RYR2: variants seen among roughly 807,000 people sequenced by gnomAD.
RYR2 encodes the protein ryanodine receptor 2, also known as cardiac muscle ryanodine receptor-calcium release channel.
Under a neutral mutation model 601.1 loss-of-function variants are expected in RYR2, and 227 were observed. The ratio of observed to expected loss-of-function variants is 0.38; its 90% CI spans 0.34 to 0.42. The LOEUF is 0.42. Ranked by LOEUF, RYR2 falls within the 10% of genes least tolerant of loss-of-function variation. The pLI is 1.00. For synonymous variants in RYR2, 2,223 were observed against 2,175.1 expected, an observed-to-expected ratio of 1.02 and a Z score of -0.61; for missense variants, 4,646 against 6,156.5, an observed-to-expected ratio of 0.75 and a Z score of 8.21.
At chr1:237,544,390 A>G (rs1669592628) in intron 25 of RYR2, among the ~76,000 whole-genome samples, 1 of 152,188 alleles carries the variant, frequency 6.6e-6, no homozygotes, top group South Asian at 2.1e-4. Flanking sequence ...AGAATGTAAT[A>G]CAGAGACATC....
At chr1:237,309,809 C>T (rs1476010991) in intron 2 of RYR2, among the ~76,000 whole-genome samples, 1 of 152,226 alleles carries the variant, frequency 6.6e-6, no homozygotes, top group Non-Finnish European at 1.5e-5. Context: ...AATTTGAGCA[C>T]AGCACCGGTG....
chr1:237,718,844 T>G (rs944005514), intron 73 of RYR2, among the ~76,000 whole-genome samples: 1 of 152,176 alleles, frequency 6.6e-6, no homozygotes, highest in East Asian at 1.9e-4. Flanking sequence ...TTGTTACATA[T>G]GTATACATGT....
At chr1:237,480,088 C>A (rs950529227) in intron 17 of RYR2, among the ~76,000 whole-genome samples, 2 of 152,038 alleles carry the variant, frequency 1.3e-5, no homozygotes, top group Non-Finnish European at 2.9e-5. Context: ...ATGAAAGAGA[C>A]CCCCAGAAAA....
intron 1 of RYR2, among the ~76,000 whole-genome samples, chr1:237,050,090 C>T (rs191580707): frequency 6.6e-6 from 1 of 151,902 alleles, no homozygotes; most frequent in East Asian, 1.9e-4. Context: ...GTTCAGAGGA[C>T]CTACACGTAA....
At chr1:237,421,967 T>C (rs1705639303) in intron 11 of RYR2, among the ~76,000 whole-genome samples, 1 of 152,190 alleles carries the variant, frequency 6.6e-6, no homozygotes, top group Non-Finnish European at 1.5e-5. Flanking sequence ...TTTATTTGCT[T>C]GTTGAATCTT....
chr1:237,270,594 T>C lies in RYR2; in HGVS notation c.146T>C (p.Leu49Ser). 3.1e-6 allele frequency: 5 copies of C among 1,589,886 alleles called. No homozygotes were observed. The highest frequency in any genetic ancestry group is 4.3e-6 in the Non-Finnish European group (5 of 1,167,378). ...AEGFGNRLCF[L>S]ESTSNSKNVP... ...GGATTTGGCAACAGACTTTGTTTCT[T>C]GGAGTCCACTTCCAATTCCAAGGTG... Residue 49 changes from leucine (L) to serine (S), a missense_variant, in exon 2 of 105, where the codon TTG becomes TCG. Around this residue, in one of 17 missense-constraint regions of RYR2, gnomAD observed 153 missense variants for 203.6 expected, o/e 0.75. Coordinates refer to ENST00000366574, the MANE Select transcript of RYR2 (RefSeq NM_001035.3).
intron 1 of RYR2, among the ~76,000 whole-genome samples, chr1:237,183,798 G>A (rs778803619): frequency 1.6e-4 from 24 of 152,100 alleles, no homozygotes; most frequent in Non-Finnish European, 2.6e-4. Context: ...CTAAAATGCC[G>A]GTGACAAGGA....
chr1:237,518,731 A>G (rs891923347), intron 24 of RYR2, among the ~76,000 whole-genome samples: 2 of 152,140 alleles, frequency 1.3e-5, no homozygotes, highest in African/African-American at 2.4e-5. Context: ...GCAAGTGCAG[A>G]TGTCTTTTTG....
At chr1:237,236,701 C>A (rs1685581788) in intron 1 of RYR2, among the ~76,000 whole-genome samples, 1 of 152,144 alleles carries the variant, frequency 6.6e-6, no homozygotes, top group South Asian at 2.1e-4. Context: ...AGAAAAAGAA[C>A]TTAGATTGAG....
At chr1:237,550,443 C>T (rs994034777) in intron 26 of RYR2, 101 bp from the exon 27 acceptor site, 12 of 1,375,824 alleles carry the variant, frequency 8.7e-6, no homozygotes, top group African/African-American at 2.9e-5. Flanking sequence ...GGAAGGGTCA[C>T]GTTTTTCTCA....
intron 96 of RYR2, among the ~76,000 whole-genome samples, chr1:237,795,784 G>A (rs1433245282): frequency 4.0e-5 from 6 of 149,700 alleles, no homozygotes; most frequent in South Asian, 2.1e-4. Context: ...CATAATGGCC[G>A]GGCGCGGTGG....
intron 11 of RYR2, among the ~76,000 whole-genome samples, chr1:237,422,512 G>A (rs746329963): frequency 2.0e-5 from 3 of 151,442 alleles, no homozygotes; most frequent in Non-Finnish European, 2.9e-5. Context: ...TGTTCATCGC[G>A]TTCTAATAAT....
At chr1:237,755,590 T>G (rs1692882915) in intron 80 of RYR2, among the ~76,000 whole-genome samples, 1 of 152,330 alleles carries the variant, frequency 6.6e-6, no homozygotes, top group East Asian at 1.9e-4. Context: ...CCTTTATATT[T>G]TATTTTTATT....
At chr1:237,171,030 C>T (rs566290884) in intron 1 of RYR2, among the ~76,000 whole-genome samples, 6 of 151,952 alleles carry the variant, frequency 3.9e-5, no homozygotes, top group East Asian at 1.9e-4. Context: ...GTCGGGAGAT[C>T]GAGACCATCC....
intron 1 of RYR2, 130 bp downstream of exon 1, chr1:237,042,699 C>A: frequency 2.3e-6 from 2 of 864,328 alleles, no homozygotes; most frequent in Non-Finnish European, 3.1e-6. Flanking sequence ...CCTGAGGATG[C>A]GGGAGGAGCG....
At chr1:237,150,700 TC>T (rs1197315010) in intron 1 of RYR2, among the ~76,000 whole-genome samples, 1 of 152,224 alleles carries the variant, frequency 6.6e-6, no homozygotes, top group African/African-American at 2.4e-5. Context: ...AGGTTTTTAA[TC>T]ATAGATTTGG....
In RYR2 at chr1:237,830,569, G is replaced by A. The variant is rs794728807; in HGVS notation, c.14695G>A (p.Asp4899Asn). Residue 4899 changes from aspartate to asparagine, a missense_variant, in exon 103 of 105, where the codon GAC becomes AAC. Around this residue, in one of 17 missense-constraint regions of RYR2, gnomAD observed 55 missense variants for 204.7 expected, o/e 0.27. Coordinates refer to ENST00000366574, the MANE Select transcript of RYR2 (RefSeq NM_001035.3). ...FICGIGNDYFDTVPHGFETHT... is the reference protein window; with the variant it reads ...FICGIGNDYFNTVPHGFETHT... ...CTGTGGGATAGGCAATGATTACTTC[G>A]ACACAGTGCCACATGGCTTTGAAAC... 1 of 1,611,394 alleles carries A rather than the reference G, an allele frequency of 6.2e-7. No individual in the cohort carries two copies. Among genetic ancestry groups the A allele is most frequent in the Non-Finnish European group, 8.5e-7 (1 of 1,177,700 alleles).
chr1:237,497,257 G>T (rs1262951422), intron 20 of RYR2, among the ~76,000 whole-genome samples: 1 of 152,174 alleles, frequency 6.6e-6, no homozygotes, highest in Non-Finnish European at 1.5e-5. Context: ...TGAGGACTCA[G>T]ATCATAACAA....
intron 1 of RYR2, among the ~76,000 whole-genome samples, chr1:237,207,081 G>A (rs1008212006): frequency 1.3e-5 from 2 of 151,838 alleles, no homozygotes; most frequent in East Asian, 1.9e-4. Flanking sequence ...ACATTGGGAG[G>A]CCAGATCTCT....
Sources: gnomAD v4.1 joint callset for allele counts (sites outside exome capture counted in the v4.1 genomes callset) on GRCh38, gnomAD v4.1.1 for gene constraint, gnomAD v4.1.1 regional missense constraint, MANE v1.5 for transcripts, NCBI Gene and HGNC (gene_info 2026-07-23, HGNC 2026-07-21) for gene names.